GPC6: variants seen among roughly 807,000 people sequenced by gnomAD.
The protein encoded by GPC6 is glypican-6.
GPC6 carries 14 observed loss-of-function variants against 55.2 expected under a neutral mutation model. The observed-to-expected ratio is 0.25, with a 90% CI of 0.17 to 0.40. GPC6 has a LOEUF of 0.40. Among genes scored for constraint, GPC6 ranks in the 10% least tolerant of loss-of-function variants. The pLI is 1.00. For synonymous variants in GPC6, 278 were observed against 259.6 expected, an observed-to-expected ratio of 1.07 and a Z score of -0.68; for missense variants, 641 against 708.5, an observed-to-expected ratio of 0.90 and a Z score of 1.08.
chr13:93,997,581 A>ATGTATGTGTGTGTG (rs1555347601), intron 3 of GPC6, among the ~76,000 whole-genome samples: 1 of 148,814 alleles, frequency 6.7e-6, no homozygotes, highest in East Asian at 2.0e-4. Context: ...AAGACATAAT[A>ATGTATGTGTGTGTG]TGTGTGTGTG....
intron 3 of GPC6, among the ~76,000 whole-genome samples, chr13:93,883,655 G>GT (rs1393544944): frequency 1.3e-5 from 2 of 151,834 alleles, no homozygotes; most frequent in African/African-American, 4.8e-5. Context: ...GAGATTCTTT[G>GT]TTTTTTTCTT....
intron 3 of GPC6, among the ~76,000 whole-genome samples, chr13:94,001,277 A>G (rs956927121): frequency 2.6e-5 from 4 of 152,178 alleles, no homozygotes; most frequent in Admixed American, 6.6e-5. Context: ...CATTTCACAC[A>G]TTAAATTTAC....
At chr13:93,433,317 C>CAGGT (rs1219617398) in intron 1 of GPC6, among the ~76,000 whole-genome samples, 10 of 152,158 alleles carry the variant, frequency 6.6e-5, no homozygotes, top group Admixed American at 5.2e-4. Context: ...AAGCTATGGG[C>CAGGT]AGGTCTTTAG....
chr13:93,258,689 A>T (rs1278162494), intron 1 of GPC6, among the ~76,000 whole-genome samples: 2 of 152,146 alleles, frequency 1.3e-5, no homozygotes, highest in Non-Finnish European at 2.9e-5. Context: ...CTGTAATCCT[A>T]GCACTTTAGG....
At chr13:93,221,020 T>C in the GPC6 span, among the ~76,000 whole-genome samples, 1 of 152,058 alleles carries the variant, frequency 6.6e-6, no homozygotes, top group African/African-American at 2.4e-5. Flanking sequence ...GTAGCTGGGA[T>C]TATAGGTGCA....
intron 1 of GPC6, among the ~76,000 whole-genome samples, chr13:93,342,544 C>T (rs141731352): frequency 0.016 from 2,433 of 152,226 alleles, 56 homozygotes; most frequent in African/African-American, 0.052. Flanking sequence ...GTCCCTCCCA[C>T]GACATGTGGG....
At chr13:93,405,302 C>T (rs987627963) in intron 1 of GPC6, among the ~76,000 whole-genome samples, 1 of 152,074 alleles carries the variant, frequency 6.6e-6, no homozygotes, top group African/African-American at 2.4e-5. Flanking sequence ...TGTTGCGGCA[C>T]CATCAGAGTG....
intron 4 of GPC6, among the ~76,000 whole-genome samples, chr13:94,135,664 T>G (rs1317222709): frequency 1.3e-5 from 2 of 152,186 alleles, no homozygotes; most frequent in Non-Finnish European, 2.9e-5. Flanking sequence ...CCAGTCCAAA[T>G]CCAGATTACC....
At chr13:93,403,077 T>A (rs118099442) in intron 1 of GPC6, among the ~76,000 whole-genome samples, 1 of 152,286 alleles carries the variant, frequency 6.6e-6, no homozygotes, top group Non-Finnish European at 1.5e-5. Context: ...AAAATAAGGA[T>A]TTAATAAAAG....
chr13:94,009,324 CTG>C (rs1882148395), intron 3 of GPC6, among the ~76,000 whole-genome samples: 1 of 152,176 alleles, frequency 6.6e-6, no homozygotes, highest in Non-Finnish European at 1.5e-5. Context: ...ATCTTCCAAA[CTG>C]TAAGTCAAAA....
intron 1 of GPC6, among the ~76,000 whole-genome samples, chr13:93,363,443 G>A (rs1344468804): frequency 2.0e-5 from 3 of 152,084 alleles, no homozygotes; most frequent in Non-Finnish European, 4.4e-5. Flanking sequence ...TTTCATCCAT[G>A]TTCCTACAAA....
rs148992851 is a variant in GPC6 at position 93,480,880 on chromosome 13, A to G, written c.161-64383A>G. Among the ~76,000 whole-genome samples, 3 of 152,276 alleles carry G rather than the reference A, an allele frequency of 2.0e-5. No homozygotes were observed. The East Asian group carries it at 5.8e-4, about 29-fold the overall frequency. On this transcript the variant is annotated intron_variant, in intron 1 of 8. Transcript: ENST00000377047. The stretch of plus-strand genomic sequence containing the variant: ...CATTTGAGTTGTTTCTGCTCTTTGC[A>G]TATTATGACTAATGCTGTTATGAAC...
At chr13:93,468,217 T>A (rs1345456838) in intron 1 of GPC6, among the ~76,000 whole-genome samples, 1 of 152,154 alleles carries the variant, frequency 6.6e-6, no homozygotes, top group East Asian at 1.9e-4. Context: ...CTTCAATTAC[T>A]GGTCTTGATC....
intron 6 of GPC6, among the ~76,000 whole-genome samples, chr13:94,329,884 C>T (rs1041511112): frequency 6.6e-6 from 1 of 152,078 alleles, no homozygotes; most frequent in African/African-American, 2.4e-5. Flanking sequence ...TTTGAACCTC[C>T]CAAGAGGCAG....
At chr13:94,265,119 G>A (rs1891760729) in intron 4 of GPC6, among the ~76,000 whole-genome samples, 1 of 152,214 alleles carries the variant, frequency 6.6e-6, no homozygotes, top group Admixed American at 6.5e-5. Context: ...AGATCCTAAT[G>A]TGATGCACAT....
chr13:93,553,406 A>G lies in GPC6; in HGVS notation c.319+7985A>G, dbSNP rs1220358816. 7.2e-5 allele frequency among the ~76,000 whole-genome samples: 11 copies of G among 152,232 alleles called. No homozygotes were observed. In the South Asian group the frequency reaches 2.3e-3, roughly 32 times the overall value. ...TGCGATGGGCAGGTAGAAGGGAATG[A>G]GATGGGCCAGGCGCAGTGGCTTACG... On this transcript the variant is annotated intron_variant, in intron 2 of 8. Coordinates refer to ENST00000377047, the MANE Select transcript of GPC6 (RefSeq NM_005708.5).
intron 1 of GPC6, among the ~76,000 whole-genome samples, chr13:93,404,000 T>G (rs961901197): frequency 6.6e-6 from 1 of 152,154 alleles, no homozygotes; most frequent in Non-Finnish European, 1.5e-5. Flanking sequence ...GTTGGCATAT[T>G]TTTTGAGGGG....
chr13:93,340,863 C>T (rs1016052021), intron 1 of GPC6, among the ~76,000 whole-genome samples: 2 of 152,044 alleles, frequency 1.3e-5, no homozygotes, highest in African/African-American at 4.8e-5. Context: ...GTGGTGATTT[C>T]TGAAATTTTA....
rs1881266096 is a variant in GPC6, at chr13:94,403,984, G to C, written c.*767G>C. On this transcript the variant is annotated 3_prime_UTR_variant, in exon 9 of 9. Coordinates refer to ENST00000377047, the MANE Select transcript of GPC6 (RefSeq NM_005708.5). Reference sequence around the variant, plus strand: ...TTAATTCCCTTAATGTCTGTCCGCTGTATCCAATTGGCACAGATTTTCCCC... The same window carrying C: ...TTAATTCCCTTAATGTCTGTCCGCTCTATCCAATTGGCACAGATTTTCCCC... The C allele has an allele frequency of 6.6e-6, 1 of 152,356 alleles. No individual in the cohort carries two copies. The highest frequency in any genetic ancestry group is 1.9e-4 in the East Asian group (1 of 5,194). The allele number at this position is 152,356 out of a possible 1,614,324, so 9.4% of individuals were successfully genotyped here.
Sources: allele counts gnomAD v4.1 joint callset (sites outside exome capture counted in the v4.1 genomes callset), GRCh38; gene constraint gnomAD v4.1.1; transcripts MANE v1.5; gene names NCBI Gene and HGNC (gene_info 2026-07-23, HGNC 2026-07-21).